ABCA13: variants seen among roughly 807,000 people sequenced by gnomAD.
The protein encoded by ABCA13 is ATP binding cassette subfamily A member 13.
Under a neutral mutation model 478.7 loss-of-function variants are expected in ABCA13, and 476 were observed. The ratio of observed to expected loss-of-function variants is 0.99; its 90% CI spans 0.92 to 1.07. The LOEUF (loss-of-function observed/expected upper bound fraction) is 1.07, where lower values mean the gene tolerates loss of function less well. Among genes scored for constraint, ABCA13 ranks in the 50% least tolerant of loss-of-function variants. The probability of loss-of-function intolerance (pLI) is 0.00; values close to 1 mark genes in which losing one functional copy is unlikely to be tolerated. For synonymous variants in ABCA13, 2,252 were observed against 2,158.9 expected (o/e 1.04, Z -1.20); for missense variants, 6,060 against 5,910.6 (o/e 1.03, Z -0.83).
rs1802234586 is a variant in ABCA13 at position 48,314,378 on chromosome 7, C to T, written c.9828C>T (p.Asp3276=). Residue 3276 remains aspartate, a synonymous_variant, in exon 26 of 62, where the codon GAC becomes GAT. Transcript: ENST00000435803. ...LPRVKELLED[D]KEKFNIPEDS... ...GAGTTAAGGAACTCTTGGAAGATGA[C>T]AAAGAAAAATTCAACATTCCTGAAG... The T allele has an allele frequency of 2.5e-6, 4 of 1,600,972 alleles. No homozygotes were observed. In the African/African-American group the frequency reaches 4.0e-5, roughly 16 times the overall value.
chr7:48,220,394 A>G lies in ABCA13; in HGVS notation c.440-887A>G, dbSNP rs1787193091. Among the ~76,000 whole-genome samples, 4 of 152,256 alleles carry G rather than the reference A, an allele frequency of 2.6e-5. No homozygotes were observed. In the South Asian group the frequency reaches 8.3e-4, roughly 32 times the overall value. On this transcript the variant is annotated intron_variant, in intron 4 of 61. Coordinates refer to ENST00000435803, the MANE Select transcript of ABCA13 (RefSeq NM_152701.5). ...TATTTCTAATCTGAAATTGAAATTT[A>G]ACTGGATGTGTTCTATTTTAAATTT...
At chr7:48,199,399 A>G (rs1009418386) in intron 3 of ABCA13, among the ~76,000 whole-genome samples, 5 of 152,228 alleles carry the variant, frequency 3.3e-5, no homozygotes, top group Non-Finnish European at 5.9e-5. Flanking sequence ...CCTTTCCATT[A>G]TAAATGACAC....
At chr7:48,399,716 A>G (rs888929369) in intron 38 of ABCA13, among the ~76,000 whole-genome samples, 1 of 152,188 alleles carries the variant, frequency 6.6e-6, no homozygotes, top group Non-Finnish European at 1.5e-5. Context: ...AGATTCAGGG[A>G]TGGGTAGATG....
At chr7:48,267,988 A>AGT (rs1795082987) in intron 15 of ABCA13, among the ~76,000 whole-genome samples, 1 of 152,116 alleles carries the variant, frequency 6.6e-6, no homozygotes, top group African/African-American at 2.4e-5. Context: ...GGACTGGCAA[A>AGT]GTGCTCAGTT....
chr7:48,589,172 A>G (rs544056241), intron 57 of ABCA13, among the ~76,000 whole-genome samples: 1 of 152,212 alleles, frequency 6.6e-6, no homozygotes, highest in Non-Finnish European at 1.5e-5. Flanking sequence ...TGGTTCATAT[A>G]AGGAATACTT....
At chr7:48,249,420 T>G (rs1792193178) in intron 15 of ABCA13, 69 bp downstream of exon 15, 1 of 1,588,262 alleles carries the variant, frequency 6.3e-7, no homozygotes, top group African/African-American at 1.4e-5. Flanking sequence ...CATAATTTCC[T>G]GAGAGTCCAT....
rs1563132946 is a variant in ABCA13, at chr7:48,367,992, GA to G, written c.10803+85del. 8.7e-6 allele frequency: 9 copies of G among 1,039,918 alleles called. No homozygotes were observed. In the African/African-American group the frequency reaches 1.5e-4, roughly 17 times the overall value. 64.4% of individuals were successfully genotyped at this position (1,039,918 alleles called of 1,614,324 possible). On this transcript the variant is annotated intron_variant, in intron 32 of 61. Coordinates refer to ENST00000435803, the MANE Select transcript of ABCA13 (RefSeq NM_152701.5). ...ATGGATCTTGTCCCATAACCAACCT[GA>G]GCCTCTCTGTTTTGCTTCCCTCTCC...
At chr7:48,253,994 C>T (rs1447920971) in intron 15 of ABCA13, among the ~76,000 whole-genome samples, 1 of 148,126 alleles carries the variant, frequency 6.8e-6, no homozygotes, top group Non-Finnish European at 1.5e-5. Flanking sequence ...CTATATTGTT[C>T]CTCCTGTTTT....
intron 1 of ABCA13, among the ~76,000 whole-genome samples, chr7:48,180,115 G>A (rs550804447): frequency 6.6e-6 from 1 of 152,236 alleles, no homozygotes; most frequent in South Asian, 2.1e-4. Flanking sequence ...ATCTGATGAA[G>A]ACTGGTGTGG....
At chr7:48,262,104 AC>A (rs1393546822) in intron 15 of ABCA13, among the ~76,000 whole-genome samples, 1 of 152,008 alleles carries the variant, frequency 6.6e-6, no homozygotes, top group Non-Finnish European at 1.5e-5. Flanking sequence ...ATGGAAACAA[AC>A]AAAAAATGAG....
chr7:48,404,938 C>T (rs1316533353), intron 39 of ABCA13, among the ~76,000 whole-genome samples: 1 of 152,182 alleles, frequency 6.6e-6, no homozygotes. Flanking sequence ...ACTTTTTGTT[C>T]CACTCTGGGC....
chr7:48,281,889 T>G lies in ABCA13; in HGVS notation c.8836+437T>G, dbSNP rs181900407. Among the ~76,000 whole-genome samples, 48 of 152,328 alleles carry G rather than the reference T, an allele frequency of 3.2e-4. 1 individual carries two copies. The highest frequency in any genetic ancestry group is 3.4e-3 in the Middle Eastern group (1 of 294). The stretch of plus-strand genomic sequence containing the variant: ...TTCCTCCCTCTGCTACAGTCAATAT[T>G]TTTTGAAGATAGAAACTGTGTCATA... On this transcript the variant is annotated intron_variant, in intron 19 of 61. Transcript: ENST00000435803.
intron 55 of ABCA13, among the ~76,000 whole-genome samples, chr7:48,549,285 A>G (rs764773215): frequency 6.6e-6 from 1 of 151,532 alleles, no homozygotes; most frequent in African/African-American, 2.4e-5. Context: ...TCATTGTTCA[A>G]CTTCCACTTA....
At chr7:48,580,471 A>G in intron 56 of ABCA13, 97 bp downstream of exon 56, 1 of 1,217,946 alleles carries the variant, frequency 8.2e-7, no homozygotes, top group Non-Finnish European at 1.2e-6. Flanking sequence ...CTATGAGGAG[A>G]AGGAACTGTA....
chr7:48,501,912 C>T (rs927043968), intron 48 of ABCA13, among the ~76,000 whole-genome samples: 1 of 152,160 alleles, frequency 6.6e-6, no homozygotes, highest in Non-Finnish European at 1.5e-5. Flanking sequence ...CATGTGGGTT[C>T]TGCCTGTGTC....
intron 29 of ABCA13, 85 bp downstream of exon 29, chr7:48,338,540 T>C: frequency 1.1e-6 from 1 of 941,516 alleles, no homozygotes; most frequent in Non-Finnish European, 1.5e-6. Context: ...GGCCATGGCA[T>C]TGCTAGGTGA....
intron 38 of ABCA13, among the ~76,000 whole-genome samples, chr7:48,403,046 G>A (rs1449786319): frequency 2.6e-5 from 4 of 152,224 alleles, no homozygotes; most frequent in African/African-American, 4.8e-5. Context: ...CCTGGAAGAG[G>A]GGTAAAGTTT....
At chr7:48,551,162 A>G (rs1470014059) in intron 55 of ABCA13, among the ~76,000 whole-genome samples, 1 of 151,214 alleles carries the variant, frequency 6.6e-6, no homozygotes, top group Non-Finnish European at 1.5e-5. Context: ...CATGTCATAT[A>G]TTTCCTTCAA....
At chr7:48,315,440 C>G (rs1454539217) in intron 26 of ABCA13, among the ~76,000 whole-genome samples, 2 of 151,662 alleles carry the variant, frequency 1.3e-5, no homozygotes, top group Non-Finnish European at 2.9e-5. Flanking sequence ...GTAAGAACAA[C>G]TTCTATAATT....
Sources: gnomAD v4.1 joint callset for allele counts (sites outside exome capture counted in the v4.1 genomes callset) on GRCh38, gnomAD v4.1.1 for gene constraint, MANE v1.5 for transcripts, NCBI Gene and HGNC (gene_info 2026-07-23, HGNC 2026-07-21) for gene names.